The following GPN1 variants were observed in gnomAD, a reference collection of about 807,000 sequenced individuals.
The protein encoded by GPN1 is GPN-loop GTPase 1.
GPN1 carries 44 observed loss-of-function variants against 55.9 expected under a neutral mutation model. The observed-to-expected ratio is 0.79, with a 90% CI of 0.62 to 1.01. The LOEUF (loss-of-function observed/expected upper bound fraction) is 1.01. Ranked by LOEUF, GPN1 falls within the 50% of genes least tolerant of loss-of-function variation. The pLI, the probability that GPN1 is intolerant of heterozygous loss-of-function variation, is 0.00. For synonymous variants in GPN1, 179 were observed against 162.5 expected (o/e 1.10, Z -0.77); for missense variants, 466 against 462.8 (o/e 1.01, Z -0.06).
chr2:27,635,270 G>T (rs764767059), intron 7 of GPN1, 36 bp downstream of exon 7: 1 of 953,810 alleles, frequency 1.0e-6, no homozygotes, highest in South Asian at 1.4e-5. Context: ...GTTCCATCAA[G>T]GTATAAGGCC....
Position 27,638,198 on chromosome 2 carries a change from T to A in GPN1, c.525-12T>A. On this transcript the variant is annotated splice_polypyrimidine_tract_variant and intron_variant, in intron 7 of 13. Coordinates refer to ENST00000610189, the MANE Select transcript of GPN1 (RefSeq NM_007266.4). ...TGCTTTTACTAATAACTTCTCAATG[T>A]TTGGTTTTCAGCATCTTATACAAAA... is the stretch of plus-strand genomic sequence containing the variant. 6.7e-7 allele frequency: 1 copy of A among 1,486,444 alleles called. No individual in the cohort carries two copies. Among genetic ancestry groups the A allele is most frequent in the African/African-American group, 1.4e-5 (1 of 72,620 alleles). The allele number at this position is 1,486,444 out of a possible 1,614,324, so 92.1% of individuals were successfully genotyped here.
chr2:27,640,015 T>C, intron 9 of GPN1, 28 bp from the exon 10 acceptor site: 3 of 1,365,784 alleles, frequency 2.2e-6, no homozygotes, highest in East Asian at 2.3e-5. Context: ...ATGGTTTCTT[T>C]AGTGGCATTT....
chr2:27,640,249 G>A, intron 10 of GPN1, 124 bp downstream of exon 10: 2 of 746,002 alleles, frequency 2.7e-6, no homozygotes, highest in Admixed American at 4.2e-5. Context: ...GTTTGCATAT[G>A]TGTATTGAAT....
chr2:27,644,003 A>ACCC (rs1674091590), intron 12 of GPN1, among the ~76,000 whole-genome samples: 1 of 152,036 alleles, frequency 6.6e-6, no homozygotes, highest in Non-Finnish European at 1.5e-5. Flanking sequence ...ACATGGTGAA[A>ACCC]CCCCATCTCT....
rs1238379451 is a variant in GPN1 at position 27,651,361 on chromosome 2, T to C, written c.*1161T>C. 1 of 152,326 alleles carries C rather than the reference T, an allele frequency of 6.6e-6. No individual in the cohort carries two copies. Among genetic ancestry groups the C allele is most frequent in the Non-Finnish European group, 1.5e-5 (1 of 68,042 alleles). The allele number at this position is 152,326 out of a possible 1,614,324, so 9.4% of individuals were successfully genotyped here. A position where few individuals can be genotyped will look rare whatever the true frequency, so the allele number is the denominator to read the frequency against. ...AAGCCCTCCATGTGATTCTGATGCA[T>C]AGTAGCCTATGACATAATTCCAGAC... On this transcript the variant is annotated 3_prime_UTR_variant, in exon 14 of 14. Coordinates refer to ENST00000610189, the MANE Select transcript of GPN1 (RefSeq NM_007266.4).
At chr2:27,647,744 C>CT in intron 12 of GPN1, 92 bp from the exon 13 acceptor site, 1 of 746,460 alleles carries the variant, frequency 1.3e-6, no homozygotes, top group East Asian at 2.6e-5. Flanking sequence ...ATCATGAGCA[C>CT]TTTCATCCTG....
At position 27,634,905 on chromosome 2, in the gene GPN1, C is replaced by T. The variant is rs147884292; in HGVS notation, c.410C>T (p.Thr137Ile). 6.6e-5 allele frequency: 105 copies of T among 1,593,812 alleles called. No homozygotes were observed. In the South Asian group the frequency reaches 9.2e-4, roughly 14 times the overall value. The change falls in exon 6 of 14, where the codon ACA becomes ATA. Residue 137 changes from threonine to isoleucine, a missense_variant. Transcript: ENST00000610189. Reference sequence around the variant, plus strand: ...GTATTCACCTGGTCAGCTTCTGGGACAATTATCACTGAAGCCCTTGTGAGT... The same window carrying T: ...GTATTCACCTGGTCAGCTTCTGGGATAATTATCACTGAAGCCCTTGTGAGT... ...IEVFTWSASG[T>I]IITEALASSF...
At chr2:27,637,533 T>C (rs1673777050) in intron 7 of GPN1, among the ~76,000 whole-genome samples, 1 of 152,218 alleles carries the variant, frequency 6.6e-6, no homozygotes, top group Admixed American at 6.5e-5. Context: ...TTTAAGATGT[T>C]ACTTTACAGA....
At chr2:27,636,994 A>G (rs1191476689) in intron 7 of GPN1, among the ~76,000 whole-genome samples, 2 of 152,100 alleles carry the variant, frequency 1.3e-5, no homozygotes, top group Non-Finnish European at 2.9e-5. Flanking sequence ...TAATCATTTC[A>G]TGATGAAACA....
chr2:27,638,074 T>C, intron 7 of GPN1, 136 bp from the exon 8 acceptor site: 1 of 607,732 alleles, frequency 1.6e-6, no homozygotes, highest in South Asian at 2.0e-5. Flanking sequence ...GACTATATGA[T>C]GTTATGTAAA....
At chr2:27,642,092 T>C (rs1673980759) in intron 11 of GPN1, 1 of 182,030 alleles carries the variant, frequency 5.5e-6, no homozygotes, top group Non-Finnish European at 1.1e-5. Flanking sequence ...TGTAGGCATT[T>C]TGCCTAGCCA....
intron 7 of GPN1, among the ~76,000 whole-genome samples, chr2:27,636,096 A>G (rs1385284378): frequency 2.0e-5 from 3 of 151,570 alleles, no homozygotes; most frequent in African/African-American, 7.3e-5. Context: ...TGTGCCTGTA[A>G]TCCCCGCTAC....
intron 8 of GPN1, 124 bp from the exon 9 acceptor site, chr2:27,638,761 G>A: frequency 1.4e-6 from 1 of 734,880 alleles, no homozygotes; most frequent in South Asian, 1.9e-5. Context: ...GCAATGGAGG[G>A]GAAATAGAAG....
chr2:27,644,726 T>TTG (rs1674136277), intron 12 of GPN1, among the ~76,000 whole-genome samples: 2 of 147,030 alleles, frequency 1.4e-5, no homozygotes, highest in African/African-American at 5.0e-5. Flanking sequence ...TGGTAGTGTT[T>TTG]TTTTTTTTTT....
At chr2:27,631,434 A>G (rs1673549766) in intron 3 of GPN1, 2 of 416,242 alleles carry the variant, frequency 4.8e-6, no homozygotes, top group Middle Eastern at 6.8e-4. Context: ...AAATTGCTGT[A>G]TGAAATGTGT....
rs776618044 is a variant in GPN1 at position 27,644,130 on chromosome 2, G to A, written c.931+1611G>A. On this transcript the variant is annotated intron_variant, in intron 12 of 13. Coordinates refer to ENST00000610189, the MANE Select transcript of GPN1 (RefSeq NM_007266.4). Reference sequence around the variant, plus strand: ...GCAGAAGTTGCAGTGAGCAAAGATCGCGCCACTGCACTCCAGCCTGGGTGA... The same window carrying A: ...GCAGAAGTTGCAGTGAGCAAAGATCACGCCACTGCACTCCAGCCTGGGTGA... 5.3e-5 allele frequency among the ~76,000 whole-genome samples: 8 copies of A among 152,120 alleles called. No individual in the cohort carries two copies. The East Asian group carries it at 1.4e-3, about 26-fold the overall frequency.
intron 2 of GPN1, 60 bp downstream of exon 2, chr2:27,630,012 G>T (rs1250623291): frequency 3.1e-6 from 3 of 963,322 alleles, no homozygotes; most frequent in Non-Finnish European, 5.1e-6. Flanking sequence ...AAAAGGCCAG[G>T]CGTGGTGGCT....
In GPN1 at chr2:27,650,138, C is replaced by T. The variant is rs774843281; in HGVS notation, c.1063C>T (p.Pro355Ser). 64 of 1,604,218 alleles carry T rather than the reference C, an allele frequency of 4.0e-5. 1 individual carries two copies. The South Asian group carries it at 5.9e-4, about 15-fold the overall frequency. The change falls in exon 14 of 14, where the codon CCA (proline) becomes TCA (serine). Residue 355 changes from proline to serine, a missense_variant. Physicochemically the swap from Pro to Ser is moderately conservative, Grantham distance 74 (BLOSUM62 -1). Transcript: ENST00000610189. ...HRVTEESHEE[P>S]AFQNFMQESM... ...AGTTACAGAGGAAAGCCATGAAGAGCCAGCATTCCAGAATTTTATGCAAGA... is the reference window on the plus strand; with the variant it reads ...AGTTACAGAGGAAAGCCATGAAGAGTCAGCATTCCAGAATTTTATGCAAGA...
intron 12 of GPN1, among the ~76,000 whole-genome samples, chr2:27,644,434 T>C (rs1050308204): frequency 1.3e-5 from 2 of 152,212 alleles, no homozygotes; most frequent in South Asian, 4.1e-4. Context: ...GCAAAAGTTC[T>C]TATTTTGTTT....
Sources: gnomAD v4.1 joint callset for allele counts (sites outside exome capture counted in the v4.1 genomes callset) on GRCh38, gnomAD v4.1.1 for gene constraint, MANE v1.5 for transcripts, NCBI Gene and HGNC (gene_info 2026-07-23, HGNC 2026-07-21) for gene names.